Variants in SMARCA2 observed in about 807,000 individuals in gnomAD.
SMARCA2 encodes the protein SWI/SNF-related matrix-associated actin-dependent regulator of chromatin subfamily A member 2.
A neutral mutation model predicts 199.8 loss-of-function variants in SMARCA2; 61 were observed. The ratio of observed to expected loss-of-function variants is 0.31; its 90% CI spans 0.25 to 0.38. SMARCA2 has a LOEUF of 0.38. Ranked by LOEUF, SMARCA2 falls within the 10% of genes least tolerant of loss-of-function variation. The pLI is 1.00. For synonymous variants in SMARCA2, 935 were observed against 732.0 expected (o/e 1.28, Z -4.48); for missense variants, 1,344 against 2,012.2 (o/e 0.67, Z 6.35).
At chr9:2,100,775 G>A (rs1822474788) in intron 21 of SMARCA2, among the ~76,000 whole-genome samples, 1 of 151,702 alleles carries the variant, frequency 6.6e-6, no homozygotes, top group East Asian at 1.9e-4. Flanking sequence ...TATTTTTATT[G>A]CTGAATTTTT....
In SMARCA2 at chr9:2,192,946, C is replaced by A. The variant is rs1827994584; in HGVS notation, c.*207C>A. On this transcript the variant is annotated 3_prime_UTR_variant, in exon 34 of 34. Transcript: ENST00000349721. ...ACAAATATTTGTAACATATTGTGAC[C>A]AAATGGGCCTCAAAGATTCAGATTG... The A allele has an allele frequency of 5.8e-6, 3 of 514,522 alleles. No individual in the cohort carries two copies. Among genetic ancestry groups the A allele is most frequent in the Admixed American group, 3.7e-5 (1 of 26,720 alleles). The allele number at this position is 514,522 out of a possible 1,614,324, so 31.9% of individuals were successfully genotyped here.
At position 2,110,523 on chromosome 9, in the gene SMARCA2, T is replaced by C. The variant is rs1011836047; in HGVS notation, c.3456+106T>C. The C allele has an allele frequency of 1.4e-5, 12 of 880,806 alleles. No homozygotes were observed. The African/African-American group carries it at 1.7e-4, about 13-fold the overall frequency. 54.6% of individuals were successfully genotyped at this position (880,806 alleles called of 1,614,324 possible). A position where few individuals can be genotyped will look rare whatever the true frequency, so the allele number is the denominator to read the frequency against. ...AGGACAGAGCAAATATCTAAACGAG[T>C]GGGCTGTTGCTTTCTTGGAGCCAAT... On this transcript the variant is annotated intron_variant, in intron 24 of 33. Transcript: ENST00000349721. The surrounding 1 kb of genome is among the most constrained non-coding windows in gnomAD (Gnocchi z 4.8).
intron 4 of SMARCA2, chr9:2,043,353 A>G (rs1028364144): frequency 6.6e-6 from 1 of 150,552 alleles, no homozygotes; most frequent in African/African-American, 2.4e-5. Context: ...GGTTTCCCCT[A>G]CAAAATGTCA....
At chr9:2,186,547 G>A (rs937632739) in intron 32 of SMARCA2, among the ~76,000 whole-genome samples, 11 of 151,952 alleles carry the variant, frequency 7.2e-5, no homozygotes, top group Non-Finnish European at 1.5e-4. Context: ...CACCCAGGCC[G>A]GAGTGCAGTG....
chr9:2,060,750 G>C, intron 8 of SMARCA2, 66 bp from the exon 9 acceptor site: 1 of 1,455,622 alleles, frequency 6.9e-7, no homozygotes, highest in Non-Finnish European at 9.6e-7. Flanking sequence ...GGGGAGGACA[G>C]AGTGGAGAGT....
intron 4 of SMARCA2, chr9:2,045,702 T>A (rs1393048996): frequency 6.6e-6 from 1 of 151,868 alleles, no homozygotes; most frequent in Non-Finnish European, 1.5e-5. Context: ...CTCCTAAGAT[T>A]TTCTCATCAA....
At chr9:2,186,827 GCAAA>G (rs1374540497) in intron 32 of SMARCA2, among the ~76,000 whole-genome samples, 1 of 151,524 alleles carries the variant, frequency 6.6e-6, no homozygotes, top group Non-Finnish European at 1.5e-5. Context: ...CACCTGACCT[GCAAA>G]CACTTTCTGA....
chr9:2,131,718 C>T lies in SMARCA2; in HGVS notation c.3981+7781C>T, dbSNP rs532145462. Among the ~76,000 whole-genome samples the T allele has an allele frequency of 6.6e-5, 10 of 152,208 alleles. No individual in the cohort carries two copies. In the East Asian group the frequency reaches 1.5e-3, roughly 23 times the overall value. ...AAATGAGGCCGGGTGCGGTGGCTCACGCCTGTAATCCCAGCACTTTGGGAG... is the reference window on the plus strand; with the variant it reads ...AAATGAGGCCGGGTGCGGTGGCTCATGCCTGTAATCCCAGCACTTTGGGAG... On this transcript the variant is annotated intron_variant, in intron 27 of 33. Transcript: ENST00000349721.
intron 4 of SMARCA2, chr9:2,041,413 T>C (rs553683696): frequency 5.0e-6 from 2 of 398,478 alleles, no homozygotes; most frequent in Admixed American, 4.4e-5. Context: ...CATAGATGGC[T>C]TCCTTCTCAC....
chr9:2,048,551 A>G (rs1819982118), intron 5 of SMARCA2, among the ~76,000 whole-genome samples: 1 of 152,196 alleles, frequency 6.6e-6, no homozygotes, highest in Non-Finnish European at 1.5e-5. Flanking sequence ...TTAAAAGGTT[A>G]CCTTAATCTT....
chr9:2,103,863 T>G, intron 22 of SMARCA2, 140 bp from the exon 23 acceptor site: 2 of 624,248 alleles, frequency 3.2e-6, no homozygotes, highest in Non-Finnish European at 5.5e-6. Flanking sequence ...GAGTTCATAT[T>G]CATTCATTCA....
At chr9:2,015,857 G>T (rs1446881449) in intron 1 of SMARCA2, 1 of 152,354 alleles carries the variant, frequency 6.6e-6, no homozygotes, top group Non-Finnish European at 1.5e-5. Flanking sequence ...TTAAAAGTGA[G>T]GCGGCGGGGA....
intron 1 of SMARCA2, among the ~76,000 whole-genome samples, chr9:2,015,665 G>A (rs746288989): frequency 3.9e-5 from 6 of 152,172 alleles, no homozygotes; most frequent in Non-Finnish European, 8.8e-5. Context: ...TGGAAGAAAC[G>A]AGAAAGTTTC....
intron 1 of SMARCA2, among the ~76,000 whole-genome samples, chr9:2,024,975 G>A (rs961314179): frequency 2.0e-5 from 3 of 152,148 alleles, no homozygotes; most frequent in African/African-American, 7.2e-5. Flanking sequence ...GTTACAATTA[G>A]ACTGTAAGAC....
At position 2,056,630 on chromosome 9, in the gene SMARCA2, C is replaced by T. The variant is rs766449889; in HGVS notation, c.1174-42C>T. On this transcript the variant is annotated intron_variant, in intron 6 of 33. Transcript: ENST00000349721. This position sits in a 1 kb window ranked among gnomAD's most constrained non-coding sequence, Gnocchi z 4.0. ...AGAAGGCCAGAGTTCAGGAACCTAG[C>T]TTCTGTTAGGGAAGGCTGTCTAACT... is the stretch of plus-strand genomic sequence containing the variant. 1 of 1,579,160 alleles carries T rather than the reference C, an allele frequency of 6.3e-7. No homozygotes were observed. Among genetic ancestry groups the T allele is most frequent in the Admixed American group, 1.9e-5 (1 of 53,684 alleles).
intron 1 of SMARCA2, among the ~76,000 whole-genome samples, chr9:2,028,786 T>G (rs1818939035): frequency 6.6e-6 from 1 of 152,208 alleles, no homozygotes; most frequent in Non-Finnish European, 1.5e-5. Context: ...TTAGTGTGTG[T>G]GTTTTTTTTA....
In SMARCA2 at chr9:2,104,597, A is replaced by G. The variant is rs900996090; in HGVS notation, c.3292+428A>G. Among the ~76,000 whole-genome samples the G allele has an allele frequency of 6.6e-6, 1 of 152,134 alleles. No homozygotes were observed. Among genetic ancestry groups the G allele is most frequent in the Non-Finnish European group, 1.5e-5 (1 of 68,020 alleles). On this transcript the variant is annotated intron_variant, in intron 23 of 33. Coordinates refer to ENST00000349721, the MANE Select transcript of SMARCA2 (RefSeq NM_003070.5). This position sits in a 1 kb window ranked among gnomAD's most constrained non-coding sequence, Gnocchi z 4.0. ...GTAACAATACAATCATTCATTTAAG[A>G]TTATATTTATCATTAAAGCCCCTCT...
At chr9:2,030,389 G>A (rs1302031326) in intron 2 of SMARCA2, among the ~76,000 whole-genome samples, 2 of 151,992 alleles carry the variant, frequency 1.3e-5, no homozygotes, top group African/African-American at 4.8e-5. Context: ...TTCCAGTGAT[G>A]TGAGAACCAG....
intron 3 of SMARCA2, among the ~76,000 whole-genome samples, chr9:2,037,119 G>C (rs986685947): frequency 6.6e-6 from 1 of 152,190 alleles, no homozygotes; most frequent in African/African-American, 2.4e-5. Flanking sequence ...TGGCCAGAAA[G>C]ACGTCATAAT....
Sources: gnomAD v4.1 joint callset for allele counts (sites outside exome capture counted in the v4.1 genomes callset) on GRCh38, gnomAD v4.1.1 for gene constraint, Gnocchi (gnomAD v3.1) non-coding constraint, MANE v1.5 for transcripts, NCBI Gene and HGNC (gene_info 2026-07-23, HGNC 2026-07-21) for gene names.